The following JMJD1C variants were observed in gnomAD, a reference collection of about 807,000 sequenced individuals.
JMJD1C encodes jumonji domain-containing protein 1C.
A neutral mutation model predicts 245.3 loss-of-function variants in JMJD1C; 31 were observed. The observed-to-expected ratio is 0.13, with a 90% CI of 0.09 to 0.17. The LOEUF (loss-of-function observed/expected upper bound fraction) is 0.17, where lower values mean the gene tolerates loss of function less well. Ranked by LOEUF, JMJD1C falls within the 10% of genes least tolerant of loss-of-function variation. The pLI is 1.00. For missense variants in JMJD1C, 2,691 were observed against 3,000.2 expected (o/e 0.90, Z 2.41); for synonymous variants, 1,057 against 1,017.4 (o/e 1.04, Z -0.74).
In JMJD1C at chr10:63,209,064, C is replaced by T; in HGVS notation, c.2866G>A (p.Glu956Lys). The change falls in exon 9 of 26, where the codon GAA (glutamate) becomes AAA (lysine). Residue 956 changes from glutamate to lysine, a missense_variant and splice_region_variant. Glu to Lys is a moderately conservative substitution (Grantham distance 56). Transcript: ENST00000399262. ...ATTTTTAAGCACTGGTGAACTTACT[C>T]CTTATGATGATCTACTAAAGTTTTT... ...LTKTLVDHHK[E>K]ELERKAFMEP... The T allele has an allele frequency of 6.2e-7, 1 of 1,610,884 alleles. No individual in the cohort carries two copies. The highest frequency in any genetic ancestry group is 8.5e-7 in the Non-Finnish European group (1 of 1,178,222).
intron 1 of JMJD1C, among the ~76,000 whole-genome samples, chr10:63,457,244 A>G (rs1474600110): frequency 1.3e-5 from 2 of 152,210 alleles, no homozygotes; most frequent in Non-Finnish European, 2.9e-5. Flanking sequence ...GAACTAAGTT[A>G]ATGCCAACGT....
At position 63,213,772 on chromosome 10, in the gene JMJD1C, C is replaced by T; in HGVS notation, c.2395G>A (p.Val799Met). ...GAGGCAGTAGGCACTCCAGGTAACACAGTGGGAAGTAAATGAGGGTGATGA... is the reference window on the plus strand; with the variant it reads ...GAGGCAGTAGGCACTCCAGGTAACATAGTGGGAAGTAAATGAGGGTGATGA... ...AVHHPHLLPT[V>M]LPGVPTASLL... The change falls in exon 8 of 26, where the codon GTG (valine) becomes ATG (methionine). Residue 799 changes from valine (V) to methionine (M), a missense_variant. Transcript: ENST00000399262. The T allele has an allele frequency of 6.2e-7, 1 of 1,614,040 alleles. No individual in the cohort carries two copies. Among genetic ancestry groups the T allele is most frequent in the South Asian group, 1.1e-5 (1 of 91,076 alleles).
chr10:63,265,405 T>C (rs1427253363), intron 2 of JMJD1C, among the ~76,000 whole-genome samples: 2 of 152,038 alleles, frequency 1.3e-5, no homozygotes, highest in East Asian at 3.9e-4. Context: ...CCACTACTTC[T>C]TTTAAAAAAA....
At chr10:63,205,706 C>T (rs1259199558) in intron 10 of JMJD1C, among the ~76,000 whole-genome samples, 1 of 152,130 alleles carries the variant, frequency 6.6e-6, no homozygotes, top group African/African-American at 2.4e-5. Context: ...ATTTACTGTA[C>T]TTTATACTGT....
At chr10:63,410,254 T>C (rs1018627700) in intron 1 of JMJD1C, among the ~76,000 whole-genome samples, 2 of 152,172 alleles carry the variant, frequency 1.3e-5, no homozygotes, top group African/African-American at 2.4e-5. Flanking sequence ...ATCACATATA[T>C]TGCATGGCTT....
intron 10 of JMJD1C, chr10:63,204,935 C>G: frequency 4.1e-6 from 4 of 985,408 alleles, no homozygotes; most frequent in Non-Finnish European, 4.8e-6. Flanking sequence ...TGTGAAAGTA[C>G]TTTGAGTGTC....
intron 2 of JMJD1C, 57 bp from the exon 3 acceptor site, chr10:63,264,821 T>C: frequency 1.3e-6 from 1 of 774,836 alleles, no homozygotes; most frequent in Admixed American, 2.2e-5. Context: ...CCTGAAATTA[T>C]GAAGGAACAC....
intron 2 of JMJD1C, among the ~76,000 whole-genome samples, chr10:63,286,652 T>G (rs1194156120): frequency 6.6e-6 from 1 of 152,134 alleles, no homozygotes; most frequent in African/African-American, 2.4e-5. Context: ...CTTTACCCAA[T>G]TATACACACC....
intron 1 of JMJD1C, among the ~76,000 whole-genome samples, chr10:63,381,939 C>T (rs1947250988): frequency 1.3e-5 from 2 of 152,128 alleles, no homozygotes; most frequent in South Asian, 2.1e-4. Flanking sequence ...TAGCCATACG[C>T]GATGGCTCAT....
intron 2 of JMJD1C, among the ~76,000 whole-genome samples, chr10:63,341,864 G>C (rs1197066422): frequency 6.6e-6 from 1 of 152,190 alleles, no homozygotes; most frequent in Non-Finnish European, 1.5e-5. Context: ...AGGTGTGGAA[G>C]GTTTTCAAAA....
intron 2 of JMJD1C, among the ~76,000 whole-genome samples, chr10:63,344,847 T>C (rs771449847): frequency 7.9e-5 from 12 of 152,220 alleles, no homozygotes; most frequent in South Asian, 2.1e-4. Context: ...AGTATGCCTA[T>C]AAAAAATAAA....
At chr10:63,404,355 C>T (rs146493847) in intron 1 of JMJD1C, among the ~76,000 whole-genome samples, 1 of 152,244 alleles carries the variant, frequency 6.6e-6, no homozygotes, top group African/African-American at 2.4e-5. Flanking sequence ...ATATACGACA[C>T]ACTAATATTT....
At chr10:63,231,549 T>C (rs1300747798) in intron 3 of JMJD1C, among the ~76,000 whole-genome samples, 1 of 152,124 alleles carries the variant, frequency 6.6e-6, no homozygotes, top group Non-Finnish European at 1.5e-5. Context: ...ATTCCAGCAC[T>C]TTGGGAGGCC....
intron 22 of JMJD1C, among the ~76,000 whole-genome samples, chr10:63,181,162 G>A (rs982794784): frequency 2.0e-5 from 3 of 152,060 alleles, no homozygotes; most frequent in Non-Finnish European, 2.9e-5. Context: ...CACCGTGCCT[G>A]GCTTATCTTT....
At chr10:63,327,131 G>A (rs938530598) in intron 2 of JMJD1C, among the ~76,000 whole-genome samples, 9 of 152,106 alleles carry the variant, frequency 5.9e-5, no homozygotes, top group African/African-American at 2.2e-4. Flanking sequence ...ATGCTACAGT[G>A]AGCTGTGAAT....
intron 3 of JMJD1C, among the ~76,000 whole-genome samples, chr10:63,233,400 T>C (rs777839094): frequency 1.3e-5 from 2 of 152,038 alleles, no homozygotes; most frequent in African/African-American, 2.4e-5. Context: ...AAAATTAGAC[T>C]TAAAAAAAAA....
At position 63,177,466 on chromosome 10, in the gene JMJD1C, C is replaced by G. The variant is rs1415818308; in HGVS notation, c.7224+251G>C. 3 of 459,136 alleles carry G rather than the reference C, an allele frequency of 6.5e-6. No individual in the cohort carries two copies. In the East Asian group the frequency reaches 1.3e-4, roughly 20 times the overall value. The allele number at this position is 459,136 out of a possible 1,614,324, so 28.4% of individuals were successfully genotyped here. On this transcript the variant is annotated intron_variant, in intron 23 of 25. Coordinates refer to ENST00000399262, the MANE Select transcript of JMJD1C (RefSeq NM_032776.3). ...ATATCTGGCTCAAGAACAGATCAGT[C>G]TTTTATTAACAGGGAATGGAGGCAC...
At chr10:63,305,362 A>C (rs1261113075) in intron 2 of JMJD1C, among the ~76,000 whole-genome samples, 2 of 73,506 alleles carry the variant, frequency 2.7e-5, no homozygotes, top group Non-Finnish European at 5.6e-5. Flanking sequence ...GCAAGACTCC[A>C]CCTCAAAAAA....
Position 63,234,238 on chromosome 10 carries a change from G to A in JMJD1C, c.448-14255C>T, listed in dbSNP as rs1850374143. 2.0e-5 allele frequency among the ~76,000 whole-genome samples: 3 copies of A among 151,674 alleles called. No individual in the cohort carries two copies. The Admixed American group carries it at 2.0e-4, about 10-fold the overall frequency. On this transcript the variant is annotated intron_variant, in intron 3 of 25. Coordinates refer to ENST00000399262, the MANE Select transcript of JMJD1C (RefSeq NM_032776.3). The stretch of plus-strand genomic sequence containing the variant: ...AGAGTCTCTTGAAAACAAACAAAAT[G>A]TAATCACAGCACTTTGGGAGGCTGA...
Sources: gnomAD v4.1 joint callset for allele counts (sites outside exome capture counted in the v4.1 genomes callset) on GRCh38, gnomAD v4.1.1 for gene constraint, MANE v1.5 for transcripts, NCBI Gene and HGNC (gene_info 2026-07-23, HGNC 2026-07-21) for gene names.